The following DCAF5 variants were observed in gnomAD, a reference collection of about 807,000 sequenced individuals.
DCAF5 encodes the protein DDB1- and CUL4-associated factor 5.
A neutral mutation model predicts 80.7 loss-of-function variants in DCAF5; 9 were observed. The observed-to-expected ratio is 0.11, with a 90% CI of 0.07 to 0.19. The LOEUF is 0.19. DCAF5 is among the 10% of genes least tolerant of loss of function. The pLI, the probability that DCAF5 is intolerant of heterozygous loss-of-function variation, is 1.00. For missense variants in DCAF5, 842 were observed against 1,205.7 expected, an observed-to-expected ratio of 0.70 and a Z score of 4.47; for synonymous variants, 433 against 461.9, an observed-to-expected ratio of 0.94 and a Z score of 0.80.
At chr14:69,096,603 T>A (rs1489763941) in intron 5 of DCAF5, among the ~76,000 whole-genome samples, 4 of 152,188 alleles carry the variant, frequency 2.6e-5, no homozygotes, top group African/African-American at 9.7e-5. Context: ...CCAGAGTGGA[T>A]GTGTTCTAGA....
At chr14:69,067,936 A>G (rs898486964) in intron 7 of DCAF5, among the ~76,000 whole-genome samples, 3 of 152,086 alleles carry the variant, frequency 2.0e-5, no homozygotes, top group Non-Finnish European at 4.4e-5. Context: ...CACCTGGCCC[A>G]GATATTCTTT....
At chr14:69,111,083 A>C (rs1480722902) in intron 5 of DCAF5, among the ~76,000 whole-genome samples, 1 of 152,186 alleles carries the variant, frequency 6.6e-6, no homozygotes, top group African/African-American at 2.4e-5. Flanking sequence ...TTAAAGTTTC[A>C]ACAAACATCA....
Position 69,119,214 on chromosome 14 carries a change from A to T in DCAF5, c.375T>A (p.Val125=), listed in dbSNP as rs750795250. The change falls in exon 3 of 9, where the codon GTT becomes GTA. Residue 125 remains valine, a synonymous_variant. Coordinates refer to ENST00000341516, the MANE Select transcript of DCAF5 (RefSeq NM_003861.3). The stretch of plus-strand genomic sequence containing the variant: ...TTTACCTTTCAACATCATGGAGGAT[A>T]ACTTGCTCATCATTGCCTGCAAAAG... The part of the protein sequence containing the change: ...KVFSGGNDEQ[V]ILHDVESSET... The T allele has an allele frequency of 4.3e-6, 7 of 1,613,570 alleles. No homozygotes were observed. In the East Asian group the frequency reaches 1.6e-4, roughly 36 times the overall value.
chr14:69,116,607 C>T (rs1391498856), intron 4 of DCAF5, 112 bp from the exon 5 acceptor site: 20 of 1,314,820 alleles, frequency 1.5e-5, no homozygotes, highest in East Asian at 7.1e-5. Flanking sequence ...ACCACTCCAA[C>T]GGCCTGGAGC....
Position 69,102,087 on chromosome 14 carries a change from T to C in DCAF5, c.666-10200A>G, listed in dbSNP as rs11846520. On this transcript the variant is annotated intron_variant, in intron 5 of 8. Coordinates refer to ENST00000341516, the MANE Select transcript of DCAF5 (RefSeq NM_003861.3). ...AAAAATATTTTTCTTTCTGCAATAA[T>C]TAACCTTAGTTTACTATAACTTTTT... is the stretch of plus-strand genomic sequence containing the variant. Among the ~76,000 whole-genome samples, 1,285 of 151,576 alleles carry C rather than the reference T, an allele frequency of 8.5e-3. 21 individuals are homozygous for C. The highest frequency in any genetic ancestry group is 0.03 in the African/African-American group (1,226 of 41,260).
chr14:69,106,191 G>GA (rs2040151598), intron 5 of DCAF5, among the ~76,000 whole-genome samples: 1 of 150,614 alleles, frequency 6.6e-6, no homozygotes, highest in Admixed American at 6.6e-5. Context: ...CGAGTAGCTG[G>GA]AATTACAGGG....
At chr14:69,150,166 A>C (rs2041657312) in intron 1 of DCAF5, among the ~76,000 whole-genome samples, 1 of 152,222 alleles carries the variant, frequency 6.6e-6, no homozygotes, top group Admixed American at 6.5e-5. Flanking sequence ...GAGCGATGGA[A>C]TAGCCTGCTG....
At chr14:69,075,654 T>C (rs1019272771) in intron 6 of DCAF5, among the ~76,000 whole-genome samples, 1 of 152,154 alleles carries the variant, frequency 6.6e-6, no homozygotes, top group Non-Finnish European at 1.5e-5. Context: ...GCTAATTTTT[T>C]GTATTTTTCA....
intron 7 of DCAF5, among the ~76,000 whole-genome samples, chr14:69,070,890 C>T (rs1251597606): frequency 6.6e-6 from 1 of 151,990 alleles, no homozygotes. Flanking sequence ...CTCTCCCTCC[C>T]GGGTTCAAGC....
intron 1 of DCAF5, among the ~76,000 whole-genome samples, chr14:69,138,168 A>T (rs1337455259): frequency 2.6e-5 from 4 of 152,226 alleles, no homozygotes; most frequent in African/African-American, 9.6e-5. Flanking sequence ...CAAAGGTTCC[A>T]ATTAGTCACT....
chr14:69,094,794 T>C lies in DCAF5; in HGVS notation c.666-2907A>G, dbSNP rs888242283. On this transcript the variant is annotated intron_variant, in intron 5 of 8. Coordinates refer to ENST00000341516, the MANE Select transcript of DCAF5 (RefSeq NM_003861.3). ...AAAAATCATCTAGGACTTTAAAAAATGTAGATTCTCAGGATTCCCACCCCC... is the reference window on the plus strand; with the variant it reads ...AAAAATCATCTAGGACTTTAAAAAACGTAGATTCTCAGGATTCCCACCCCC... Among the ~76,000 whole-genome samples the C allele has an allele frequency of 8.6e-5, 13 of 151,794 alleles. 1 individual carries two copies. Among genetic ancestry groups the C allele is most frequent in the East Asian group, 3.9e-4 (2 of 5,192 alleles).
chr14:69,133,297 A>G (rs1187884706), intron 1 of DCAF5, among the ~76,000 whole-genome samples: 1 of 152,220 alleles, frequency 6.6e-6, no homozygotes, highest in Non-Finnish European at 1.5e-5. Context: ...CCTCGCAAAT[A>G]TAAGAGGCCA....
At chr14:69,121,842 T>C (rs1021862902) in intron 2 of DCAF5, among the ~76,000 whole-genome samples, 5 of 152,104 alleles carry the variant, frequency 3.3e-5, no homozygotes, top group Non-Finnish European at 7.4e-5. Context: ...ATGGCCAGCA[T>C]AATCTTTAAA....
At position 69,055,545 on chromosome 14, in the gene DCAF5, G is replaced by A; in HGVS notation, c.1141C>T (p.Arg381Cys). The change falls in exon 9 of 9, where the codon CGC becomes TGC. Residue 381 changes from arginine (R) to cysteine (C), a missense_variant. By Grantham distance (180) the Arg-to-Cys change is radical. Around this residue, in one of 5 missense-constraint regions of DCAF5, gnomAD observed 65 missense variants for 191.3 expected, o/e 0.34. Coordinates refer to ENST00000341516, the MANE Select transcript of DCAF5 (RefSeq NM_003861.3). The surrounding 1 kb of genome is among the most constrained non-coding windows in gnomAD (Gnocchi z 5.6). ...TACTCTTCATGGGTATAGAGGCAGC[G>A]GGAATCGTCCTCAATCCGACCGTCG... ...DLDGRIEDDS[R>C]CLYTHEEYIS... is the part of the protein sequence containing the mutation. 1.2e-6 allele frequency: 2 copies of A among 1,613,374 alleles called. No homozygotes were observed. Among genetic ancestry groups the A allele is most frequent in the Non-Finnish European group, 1.7e-6 (2 of 1,179,326 alleles).
chr14:69,083,373 G>A (rs1330216023), intron 6 of DCAF5: 2 of 228,136 alleles, frequency 8.8e-6, no homozygotes, highest in Non-Finnish European at 1.7e-5. Flanking sequence ...GTCTGGCCCC[G>A]TGGTCTAGAC....
rs777786002 is a variant in DCAF5, at chr14:69,153,030, C to A, written c.-52G>T. 3.0e-4 allele frequency: 416 copies of A among 1,391,562 alleles called. No homozygotes were observed. The highest frequency in any genetic ancestry group is 3.8e-4 in the Non-Finnish European group (404 of 1,065,974). 86.2% of individuals were successfully genotyped at this position (1,391,562 alleles called of 1,614,324 possible). On this transcript the variant is annotated 5_prime_UTR_variant, in exon 1 of 9. Transcript: ENST00000341516. The stretch of plus-strand genomic sequence containing the variant: ...CGCCGCCGCCCCTCCCTCGGCCTCA[C>A]GCGCGGCCGCTGCTCCCCCCACCCG...
chr14:69,067,853 T>C (rs1406225000), intron 7 of DCAF5, among the ~76,000 whole-genome samples: 3 of 152,054 alleles, frequency 2.0e-5, no homozygotes, highest in Non-Finnish European at 4.4e-5. Context: ...GCCAGCATGG[T>C]CTCAATCTCT....
chr14:69,099,644 C>A (rs1019288388), intron 5 of DCAF5, among the ~76,000 whole-genome samples: 1 of 152,012 alleles, frequency 6.6e-6, no homozygotes, highest in Non-Finnish European at 1.5e-5. Context: ...ATATCTTAGA[C>A]TTTAAAGCAA....
chr14:69,119,172 C>A, intron 3 of DCAF5, 22 bp downstream of exon 3: 1 of 1,610,466 alleles, frequency 6.2e-7, no homozygotes, highest in Non-Finnish European at 8.5e-7. Context: ...CAATCACCTT[C>A]ACACACCACC....
Sources: allele counts gnomAD v4.1 joint callset (sites outside exome capture counted in the v4.1 genomes callset), GRCh38; gene constraint gnomAD v4.1.1; regional missense constraint gnomAD v4.1.1; non-coding constraint Gnocchi (gnomAD v3.1); transcripts MANE v1.5; gene names NCBI Gene and HGNC (gene_info 2026-07-23, HGNC 2026-07-21).